The following FAM163B variants were observed in gnomAD, a reference collection of about 807,000 sequenced individuals.
FAM163B encodes the protein protein FAM163B.
FAM163B carries 4 observed loss-of-function variants against 7.6 expected under a neutral mutation model. The ratio of observed to expected loss-of-function variants is 0.52; its 90% CI spans 0.26 to 1.20. The LOEUF is 1.20. Ranked by LOEUF, FAM163B falls within the 50% of genes most tolerant of loss-of-function variation. FAM163B has a pLI of 0.14. For synonymous variants in FAM163B, 120 were observed against 111.6 expected (o/e 1.07, Z -0.47); for missense variants, 250 against 243.0 (o/e 1.03, Z -0.19).
intron 1 of FAM163B, among the ~76,000 whole-genome samples, chr9:133,599,596 G>A (rs958080410): frequency 9.9e-5 from 15 of 151,838 alleles, no homozygotes; most frequent in African/African-American, 3.6e-4. Context: ...GTGTGCATGT[G>A]TGAATGTGTG....
intron 1 of FAM163B, among the ~76,000 whole-genome samples, chr9:133,597,305 G>A (rs7030633): frequency 0.15 from 22,445 of 152,122 alleles, 1,938 homozygotes; most frequent in African/African-American, 0.21. Context: ...AGAACCAACC[G>A]AACTTCTAGA....
intron 1 of FAM163B, among the ~76,000 whole-genome samples, chr9:133,589,158 C>T (rs1409643555): frequency 6.6e-6 from 1 of 152,140 alleles, no homozygotes; most frequent in Non-Finnish European, 1.5e-5. Context: ...TGTTGCCCCA[C>T]TGGGGTTCCT....
chr9:133,586,557 AGCT>A (rs1327641422), intron 1 of FAM163B, among the ~76,000 whole-genome samples: 2 of 152,162 alleles, frequency 1.3e-5, no homozygotes, highest in Non-Finnish European at 2.9e-5. Flanking sequence ...CCCAGACCCC[AGCT>A]GGAGAGCCCC....
rs1831701757 is a variant in FAM163B at position 133,600,238 on chromosome 9, G to T, written c.-24+8839C>A. Reference sequence around the variant, plus strand: ...GTGTGTGGGGGGGAATGTGGTCTGTGTGCATGTGTGTGAGTGTGGTCTGTG... The same window carrying T: ...GTGTGTGGGGGGGAATGTGGTCTGTTTGCATGTGTGTGAGTGTGGTCTGTG... On this transcript the variant is annotated intron_variant, in intron 1 of 2. Transcript: ENST00000673969. This position sits in a 1 kb window ranked among gnomAD's most constrained non-coding sequence, Gnocchi z 4.9. 6.9e-6 allele frequency among the ~76,000 whole-genome samples: 1 copy of T among 145,724 alleles called. No individual in the cohort carries two copies. The highest frequency in any genetic ancestry group is 6.9e-5 in the Admixed American group (1 of 14,458).
intron 1 of FAM163B, among the ~76,000 whole-genome samples, chr9:133,602,796 G>A (rs1047395252): frequency 5.3e-5 from 8 of 152,302 alleles, no homozygotes; most frequent in Admixed American, 3.3e-4. Flanking sequence ...GCTCACAGTC[G>A]ACAATGTTGC....
chr9:133,579,475 C>G (rs1831320503), intron 2 of FAM163B, 46 bp from the exon 3 acceptor site: 1 of 1,510,636 alleles, frequency 6.6e-7, no homozygotes, highest in Non-Finnish European at 8.9e-7. Flanking sequence ...GCTCCCACCC[C>G]AGAACCGACA....
chr9:133,580,356 G>C lies in FAM163B; in HGVS notation c.-23-110C>G. On this transcript the variant is annotated intron_variant, in intron 1 of 2. Coordinates refer to ENST00000673969, the MANE Select transcript of FAM163B (RefSeq NM_001080515.3). ...AGCTGAGGGGAAAAAAGCACCCCAG[G>C]ATGTGCCTGTGAGAGGCAGGGGCTC... 3 of 835,218 alleles carry C rather than the reference G, an allele frequency of 3.6e-6. No homozygotes were observed. The Admixed American group carries it at 6.4e-5, about 18-fold the overall frequency. 51.7% of individuals were successfully genotyped at this position (835,218 alleles called of 1,614,324 possible). A position where few individuals can be genotyped will look rare whatever the true frequency, so the allele number is the denominator to read the frequency against.
At chr9:133,591,192 G>C (rs1004428806) in intron 1 of FAM163B, among the ~76,000 whole-genome samples, 12 of 152,228 alleles carry the variant, frequency 7.9e-5, no homozygotes, top group African/African-American at 2.9e-4. Context: ...GGCCAGGGCA[G>C]CCTCTTCCGC....
At position 133,609,091 on chromosome 9, in the gene FAM163B, A is replaced by G. The variant is rs888750249; in HGVS notation, c.-38T>C. ...TCGGCCCTTACCTTGAAGCATGGGAACCGCGCTGCCCCGGCCGCGAGGACT... is the reference window on the plus strand; with the variant it reads ...TCGGCCCTTACCTTGAAGCATGGGAGCCGCGCTGCCCCGGCCGCGAGGACT... On this transcript the variant is annotated 5_prime_UTR_variant, in exon 1 of 3. Coordinates refer to ENST00000673969, the MANE Select transcript of FAM163B (RefSeq NM_001080515.3). Among the ~76,000 whole-genome samples, 33 of 152,040 alleles carry G rather than the reference A, an allele frequency of 2.2e-4. No individual in the cohort carries two copies. Among genetic ancestry groups the G allele is most frequent in the Admixed American group, 2.0e-3 (30 of 15,278 alleles).
chr9:133,600,663 G>C lies in FAM163B; in HGVS notation c.-24+8414C>G, dbSNP rs1158640277. Among the ~76,000 whole-genome samples the C allele has an allele frequency of 2.6e-5, 4 of 152,148 alleles. No individual in the cohort carries two copies. The highest frequency in any genetic ancestry group is 4.1e-4 in the South Asian group (2 of 4,826). ...CCAAGACTCGTGGGGCTTGAGGAGAGGTTGGTCTAAGCTCCTGGAGTCGCA... is the reference window on the plus strand; with the variant it reads ...CCAAGACTCGTGGGGCTTGAGGAGACGTTGGTCTAAGCTCCTGGAGTCGCA... On this transcript the variant is annotated intron_variant, in intron 1 of 2. Coordinates refer to ENST00000673969, the MANE Select transcript of FAM163B (RefSeq NM_001080515.3). The surrounding 1 kb of genome is among the most constrained non-coding windows in gnomAD (Gnocchi z 4.9).
At chr9:133,590,137 CCCCTT>C (rs1831526315) in intron 1 of FAM163B, among the ~76,000 whole-genome samples, 1 of 52,006 alleles carries the variant, frequency 1.9e-5, no homozygotes, top group African/African-American at 1.1e-4. Context: ...CCCTTCCCCT[CCCCTT>C]CCCCTCCCCT....
Position 133,606,155 on chromosome 9 carries a change from A to G in FAM163B, c.-24+2922T>C, listed in dbSNP as rs975053325. Reference sequence around the variant, plus strand: ...AGGCACAGTCTCCATTTTCCAGCCCAAGACCTTCAGGCCCAGGGTTCCACA... The same window carrying G: ...AGGCACAGTCTCCATTTTCCAGCCCGAGACCTTCAGGCCCAGGGTTCCACA... On this transcript the variant is annotated intron_variant, in intron 1 of 2. Coordinates refer to ENST00000673969, the MANE Select transcript of FAM163B (RefSeq NM_001080515.3). This position sits in a 1 kb window ranked among gnomAD's most constrained non-coding sequence, Gnocchi z 4.0. Among the ~76,000 whole-genome samples the G allele has an allele frequency of 3.3e-5, 5 of 152,140 alleles. No homozygotes were observed. The highest frequency in any genetic ancestry group is 9.7e-5 in the African/African-American group (4 of 41,424).
intron 1 of FAM163B, among the ~76,000 whole-genome samples, chr9:133,585,718 C>T (rs1831425934): frequency 6.6e-6 from 1 of 152,234 alleles, no homozygotes; most frequent in African/African-American, 2.4e-5. Flanking sequence ...GCTGCACGGG[C>T]CCTGCAATCT....
At position 133,580,249 on chromosome 9, in the gene FAM163B, G is replaced by A. The variant is rs1588320888; in HGVS notation, c.-23-3C>T. On this transcript the variant is annotated splice_polypyrimidine_tract_variant and splice_region_variant and intron_variant, in intron 1 of 2. Transcript: ENST00000673969. The stretch of plus-strand genomic sequence containing the variant: ...CCGCCCCCTTCTCCATCAACAGCCT[G>A]CAACACACGCCGCCAGCTTTAGAGC... 1.9e-6 allele frequency: 3 copies of A among 1,591,658 alleles called. No individual in the cohort carries two copies. Among genetic ancestry groups the A allele is most frequent in the Non-Finnish European group, 2.6e-6 (3 of 1,161,056 alleles).
chr9:133,609,263 G>C lies in FAM163B; in HGVS notation c.-210C>G, dbSNP rs1831824659. Among the ~76,000 whole-genome samples, 1 of 150,612 alleles carries C rather than the reference G, an allele frequency of 6.6e-6. No individual in the cohort carries two copies. The highest frequency in any genetic ancestry group is 2.4e-5 in the African/African-American group (1 of 41,290). ...AGAAGCCCGGGAGGCCCCCGGGGAG[G>C]CGACTGCGTGCCCAGGCGGGCACCC... On this transcript the variant is annotated 5_prime_UTR_variant, in exon 1 of 3. Transcript: ENST00000673969.
rs908296264 is a variant in FAM163B, at chr9:133,600,145, AATGT to A, written c.-24+8928_-24+8931del. On this transcript the variant is annotated intron_variant, in intron 1 of 2. Transcript: ENST00000673969. This position sits in a 1 kb window ranked among gnomAD's most constrained non-coding sequence, Gnocchi z 4.9. ...GTATGTGTGTCTGTGTGCGTGTGTG[AATGT>A]ATGTGTGCATGAGTGTGAGTCTGTG... Among the ~76,000 whole-genome samples the A allele has an allele frequency of 2.8e-5, 4 of 141,044 alleles. No individual in the cohort carries two copies. Among genetic ancestry groups the A allele is most frequent in the African/African-American group, 1.1e-4 (4 of 36,926 alleles). 92.5% of individuals were successfully genotyped at this position (141,044 alleles called of 152,430 possible).
At chr9:133,605,980 G>C (rs7022307) in intron 1 of FAM163B, among the ~76,000 whole-genome samples, 152,276 of 152,280 alleles carry the variant, frequency 1, 76,136 homozygotes, top group Middle Eastern at 1. Context: ...AGGGCAGAGC[G>C]AACCATGTCC....
At chr9:133,579,610 G>C (rs1831323306) in intron 2 of FAM163B, among the ~76,000 whole-genome samples, 181 bp from the exon 3 acceptor site, 1 of 152,250 alleles carries the variant, frequency 6.6e-6, no homozygotes, top group Non-Finnish European at 1.5e-5. Context: ...GCCAGGCGCA[G>C]TGCTGAGCAC....
chr9:133,587,499 C>T (rs1831458659), intron 1 of FAM163B, among the ~76,000 whole-genome samples: 1 of 152,150 alleles, frequency 6.6e-6, no homozygotes, highest in African/African-American at 2.4e-5. Flanking sequence ...GCCTCCTGGC[C>T]TCCATCATGG....
Sources: gnomAD v4.1 joint callset for allele counts (sites outside exome capture counted in the v4.1 genomes callset) on GRCh38, gnomAD v4.1.1 for gene constraint, Gnocchi (gnomAD v3.1) non-coding constraint, MANE v1.5 for transcripts, NCBI Gene and HGNC (gene_info 2026-07-23, HGNC 2026-07-21) for gene names.